Variants in MYOM2 observed in about 807,000 individuals in gnomAD.
MYOM2 encodes myomesin 2.
Under a neutral mutation model 187.6 loss-of-function variants are expected in MYOM2, and 254 were observed. The ratio of observed to expected loss-of-function variants is 1.35; its 90% CI spans 1.22 to 1.50. The LOEUF is 1.50. MYOM2 is among the 40% of genes most tolerant of loss of function. MYOM2 has a pLI of 0.00. For missense variants in MYOM2, 2,796 were observed against 1,924.0 expected (o/e 1.45, Z -8.48); for synonymous variants, 981 against 753.8 (o/e 1.30, Z -4.94).
At chr8:2,094,209 C>G in intron 17 of MYOM2, 118 bp downstream of exon 17, 4 of 1,331,766 alleles carry the variant, frequency 3.0e-6, no homozygotes, top group Non-Finnish European at 4.1e-6. Context: ...GACTAAATTC[C>G]TGAACAGAGA....
chr8:2,101,630 C>T (rs775150761), intron 20 of MYOM2, among the ~76,000 whole-genome samples: 7 of 152,280 alleles, frequency 4.6e-5, no homozygotes, highest in Non-Finnish European at 7.4e-5. Context: ...TGGGGAACTG[C>T]GCAGACACGC....
chr8:2,052,090 G>C (rs1349101602), intron 2 of MYOM2, 68 bp from the exon 3 acceptor site: 24 of 1,592,206 alleles, frequency 1.5e-5, no homozygotes, highest in Non-Finnish European at 1.9e-5. Flanking sequence ...AGAAAGTGAT[G>C]TGTGTCAGGA....
chr8:2,136,344 G>A (rs1023632530), intron 32 of MYOM2, among the ~76,000 whole-genome samples: 9 of 147,850 alleles, frequency 6.1e-5, no homozygotes, highest in Admixed American at 1.3e-4. Flanking sequence ...AGCGGAGGCC[G>A]CAGCTGTGAC....
chr8:2,084,720 T>C (rs1459011239), intron 13 of MYOM2, among the ~76,000 whole-genome samples: 1 of 152,188 alleles, frequency 6.6e-6, no homozygotes, highest in Non-Finnish European at 1.5e-5. Flanking sequence ...CATGCAGACA[T>C]AGAATACAGT....
At chr8:2,126,773 G>A (rs1319203807) in intron 31 of MYOM2, among the ~76,000 whole-genome samples, 1 of 139,096 alleles carries the variant, frequency 7.2e-6, no homozygotes, top group African/African-American at 2.7e-5. Flanking sequence ...GGAGTACTAG[G>A]AGAGGCTGAT....
At chr8:2,120,434 A>G (rs1797385520) in intron 28 of MYOM2, among the ~76,000 whole-genome samples, 1 of 151,196 alleles carries the variant, frequency 6.6e-6, no homozygotes. Flanking sequence ...CCTGCCGTGA[A>G]GAGCAAGTGC....
intron 30 of MYOM2, 90 bp downstream of exon 30, chr8:2,123,732 T>C (rs1210397292): frequency 3.7e-6 from 4 of 1,095,502 alleles, no homozygotes; most frequent in Non-Finnish European, 2.8e-6. Flanking sequence ...ATGTCTAGCC[T>C]CAGCTATAGC....
chr8:2,072,551 C>A (rs1819270134), intron 9 of MYOM2, 42 bp downstream of exon 9: 5 of 1,585,390 alleles, frequency 3.2e-6, no homozygotes, highest in South Asian at 1.1e-5. Context: ...CACCAGGAGG[C>A]TTTTGGACGG....
At chr8:2,059,742 CT>C (rs60345808) in intron 6 of MYOM2, among the ~76,000 whole-genome samples, 2,653 of 131,054 alleles carry the variant, frequency 0.02, 27 homozygotes, top group Middle Eastern at 0.048. Context: ...GACACACACA[CT>C]TTTTTTTTTT....
Position 2,106,403 on chromosome 8 carries a change from G to C in MYOM2, c.2891+5G>C. On this transcript the variant is annotated splice_donor_5th_base_variant and intron_variant, in intron 22 of 36. Coordinates refer to ENST00000262113, the MANE Select transcript of MYOM2 (RefSeq NM_003970.4). ...AATTGAAACCGTGGGGGATCAGTAAGTGAGGCCTGGAAGTTGGATACTGGA... is the reference window on the plus strand; with the variant it reads ...AATTGAAACCGTGGGGGATCAGTAACTGAGGCCTGGAAGTTGGATACTGGA... The C allele has an allele frequency of 6.2e-7, 1 of 1,613,776 alleles. No homozygotes were observed. Among genetic ancestry groups the C allele is most frequent in the Non-Finnish European group, 8.5e-7 (1 of 1,179,674 alleles).
intron 32 of MYOM2, among the ~76,000 whole-genome samples, chr8:2,132,604 T>C (rs1288601006): frequency 6.6e-6 from 1 of 152,102 alleles, no homozygotes; most frequent in Non-Finnish European, 1.5e-5. Flanking sequence ...TCTCTTTTTT[T>C]GAGACAGAGT....
chr8:2,080,209 C>T (rs963229343), intron 13 of MYOM2, among the ~76,000 whole-genome samples: 2 of 152,116 alleles, frequency 1.3e-5, no homozygotes, highest in African/African-American at 4.8e-5. Flanking sequence ...TCATAGAGTG[C>T]CATGGGTGAA....
chr8:2,087,859 A>G (rs1585883296), intron 14 of MYOM2, among the ~76,000 whole-genome samples: 1 of 152,170 alleles, frequency 6.6e-6, no homozygotes, highest in South Asian at 2.1e-4. Context: ...GGCACAAGCA[A>G]TCTTCCTGCC....
chr8:2,092,756 GA>G (rs746888707), intron 16 of MYOM2, among the ~76,000 whole-genome samples: 6 of 68,414 alleles, frequency 8.8e-5, no homozygotes, highest in Non-Finnish European at 1.2e-4. Flanking sequence ...GAGAGTTCCA[GA>G]ACCTGTTTTT....
In MYOM2 at chr8:2,102,713, C is replaced by G. The variant is rs367733920; in HGVS notation, c.2666C>G (p.Ala889Gly). The G allele has an allele frequency of 6.2e-7, 1 of 1,613,968 alleles. No individual in the cohort carries two copies. The highest frequency in any genetic ancestry group is 8.5e-7 in the Non-Finnish European group (1 of 1,179,932). ...QGKTYVFRVR[A>G]VNANGVGKPS... ...AAGACCTATGTCTTCAGGGTCCGGGCAGTCAATGCAAATGGCGTGGGGAAG... is the reference window on the plus strand; with the variant it reads ...AAGACCTATGTCTTCAGGGTCCGGGGAGTCAATGCAAATGGCGTGGGGAAG... The change falls in exon 21 of 37, where the codon GCA becomes GGA. Residue 889 changes from alanine (A) to glycine (G), a missense_variant. Physicochemically the swap from Ala to Gly is moderately conservative, Grantham distance 60. Transcript: ENST00000262113.
chr8:2,103,892 T>G (rs1796805196), intron 21 of MYOM2, among the ~76,000 whole-genome samples: 1 of 152,060 alleles, frequency 6.6e-6, no homozygotes, highest in South Asian at 2.1e-4. Context: ...TGGGAGATAG[T>G]GCATGTGTTA....
intron 32 of MYOM2, among the ~76,000 whole-genome samples, chr8:2,135,430 T>G (rs1382952985): frequency 6.6e-6 from 1 of 152,208 alleles, no homozygotes; most frequent in Non-Finnish European, 1.5e-5. Context: ...CTCATTTGTT[T>G]TGGGAAATGT....
Position 2,052,297 on chromosome 8 carries a change from C to G in MYOM2, c.247C>G (p.Gln83Glu), listed in dbSNP as rs1038498675. The G allele has an allele frequency of 7.5e-6, 12 of 1,604,318 alleles. No individual in the cohort carries two copies. Among genetic ancestry groups the G allele is most frequent in the African/African-American group, 1.3e-5 (1 of 74,664 alleles). The change falls in exon 3 of 37, where the codon CAG (glutamine) becomes GAG (glutamate). Residue 83 changes from glutamine to glutamate, a missense_variant. Transcript: ENST00000262113. ...KRVSTQEDEE[Q>E]ENRSRYQSLV... ...AGTGAGCACGCAGGAAGATGAGGAG[C>G]AGGAGAACAGAAGCAGGTGAGCACA...
chr8:2,103,979 AT>A (rs1796808439), intron 21 of MYOM2, among the ~76,000 whole-genome samples: 1 of 152,192 alleles, frequency 6.6e-6, no homozygotes, highest in African/African-American at 2.4e-5. Context: ...TGGATGGCAA[AT>A]GAAGTATGCA....
Sources: gnomAD v4.1 joint callset for allele counts (sites outside exome capture counted in the v4.1 genomes callset) on GRCh38, gnomAD v4.1.1 for gene constraint, MANE v1.5 for transcripts, NCBI Gene and HGNC (gene_info 2026-07-23, HGNC 2026-07-21) for gene names.